DNAJC3: variants seen among roughly 807,000 people sequenced by gnomAD.
DNAJC3 encodes dnaJ homolog subfamily C member 3.
DNAJC3 carries 38 observed loss-of-function variants against 68.6 expected under a neutral mutation model. The observed-to-expected ratio is 0.55, with a 90% CI of 0.43 to 0.73. The LOEUF is 0.73. Among genes scored for constraint, DNAJC3 ranks in the 30% least tolerant of loss-of-function variants. DNAJC3 has a pLI of 0.00. For missense variants in DNAJC3, 526 were observed against 591.9 expected (o/e 0.89, Z 1.16); for synonymous variants, 203 against 204.0 (o/e 1.00, Z 0.04).
chr13:95,779,348 T>C (rs1714942860), intron 9 of DNAJC3, among the ~76,000 whole-genome samples: 1 of 152,010 alleles, frequency 6.6e-6, no homozygotes. Context: ...ATGGTCTCGA[T>C]CTCCTGACCT....
chr13:95,778,261 A>G (rs1883341950), intron 9 of DNAJC3, among the ~76,000 whole-genome samples: 1 of 152,236 alleles, frequency 6.6e-6, no homozygotes, highest in South Asian at 2.1e-4. Flanking sequence ...ATAATGTCCA[A>G]ACACCAAACA....
chr13:95,785,078 C>G (rs1167798974), intron 9 of DNAJC3, among the ~76,000 whole-genome samples: 1 of 152,174 alleles, frequency 6.6e-6, no homozygotes, highest in African/African-American at 2.4e-5. Flanking sequence ...GTGTTAAAGC[C>G]TGTGGGTTAC....
At chr13:95,786,891 A>G in intron 10 of DNAJC3, 116 bp from the exon 11 acceptor site, 1 of 1,260,780 alleles carries the variant, frequency 7.9e-7, no homozygotes, top group Non-Finnish European at 1.1e-6. Flanking sequence ...CATTGGAACT[A>G]TTTTATAAAA....
chr13:95,734,984 C>T (rs1217622819), intron 4 of DNAJC3, among the ~76,000 whole-genome samples: 1 of 137,130 alleles, frequency 7.3e-6, no homozygotes, highest in East Asian at 2.3e-4. Flanking sequence ...CCCCACCCCA[C>T]AACAGGCCCC....
intron 1 of DNAJC3, among the ~76,000 whole-genome samples, chr13:95,701,644 A>T (rs182419741): frequency 6.6e-6 from 1 of 152,248 alleles, no homozygotes; most frequent in Admixed American, 6.5e-5. Context: ...AGGTATACAT[A>T]TGAAACAACT....
At chr13:95,693,817 C>T (rs1880352039) in intron 1 of DNAJC3, 1 of 152,170 alleles carries the variant, frequency 6.6e-6, no homozygotes, top group Non-Finnish European at 1.5e-5. Flanking sequence ...TCTGGCTTCA[C>T]TTCTACTATA....
chr13:95,776,652 TTAAAA>T, intron 9 of DNAJC3, among the ~76,000 whole-genome samples: 1 of 152,362 alleles, frequency 6.6e-6, no homozygotes, highest in East Asian at 1.9e-4. Flanking sequence ...TTTTGTACTT[TTAAAA>T]ATAGTTTTAT....
chr13:95,702,299 C>A (rs186373756), intron 1 of DNAJC3, among the ~76,000 whole-genome samples: 148 of 147,256 alleles, frequency 1.0e-3, no homozygotes, highest in African/African-American at 3.8e-3. Flanking sequence ...TGATTTTCTT[C>A]TGTAATGTCC....
rs1883910672 is a variant in DNAJC3, at chr13:95,794,774, T to C, written c.*3744T>C. The C allele has an allele frequency of 6.6e-6, 1 of 152,324 alleles. No homozygotes were observed. The highest frequency in any genetic ancestry group is 6.5e-5 in the Admixed American group (1 of 15,310). 9.4% of individuals were successfully genotyped at this position (152,324 alleles called of 1,614,324 possible). On this transcript the variant is annotated 3_prime_UTR_variant, in exon 12 of 12. Coordinates refer to ENST00000602402, the MANE Select transcript of DNAJC3 (RefSeq NM_006260.5). ...AAGCCGAGCAAGGAGGAGGTAAACA[T>C]TGGAGATGTTTGTGAAAATATTACT...
At chr13:95,717,151 C>T (rs1881177123) in intron 2 of DNAJC3, among the ~76,000 whole-genome samples, 1 of 152,176 alleles carries the variant, frequency 6.6e-6, no homozygotes, top group Non-Finnish European at 1.5e-5. Flanking sequence ...TTAGGTATAT[C>T]TGGCACGAAC....
intron 4 of DNAJC3, among the ~76,000 whole-genome samples, chr13:95,735,426 C>T (rs1055333687): frequency 8.0e-5 from 10 of 124,490 alleles, no homozygotes; most frequent in Admixed American, 7.7e-4. Flanking sequence ...AACTAGTTTA[C>T]AGTCCCACCA....
intron 1 of DNAJC3, chr13:95,693,754 C>T (rs776519279): frequency 2.6e-5 from 4 of 152,082 alleles, no homozygotes; most frequent in Non-Finnish European, 5.9e-5. Context: ...CTCCAATATA[C>T]TGGAATTTTA....
At chr13:95,694,275 A>T (rs1880364925) in intron 1 of DNAJC3, 1 of 152,524 alleles carries the variant, frequency 6.6e-6, no homozygotes, top group Admixed American at 6.5e-5. Context: ...GGTATTCCTC[A>T]ATAGCTATTG....
Position 95,760,041 on chromosome 13 carries a change from T to G in DNAJC3, c.548T>G (p.Val183Gly). The stretch of plus-strand genomic sequence containing the variant: ...AGTCTAGTTCTTTTGTTCCTCAAGG[T>G]TTGTGTTTGGGATGCAGAACTACGG... The part of the protein sequence containing the change: ...AIAFLDKILE[V>G]CVWDAELREL... The change falls in exon 6 of 12, where the codon GTT becomes GGT. Residue 183 changes from valine to glycine, a missense_variant and splice_region_variant. By Grantham distance (109) the Val-to-Gly change is moderately radical. Coordinates refer to ENST00000602402, the MANE Select transcript of DNAJC3 (RefSeq NM_006260.5). The G allele has an allele frequency of 6.3e-7, 1 of 1,583,912 alleles. No individual in the cohort carries two copies.
chr13:95,689,163 A>G (rs1880158591), intron 1 of DNAJC3, among the ~76,000 whole-genome samples: 1 of 149,086 alleles, frequency 6.7e-6, no homozygotes, highest in Non-Finnish European at 1.5e-5. Flanking sequence ...GAATACTTTC[A>G]GTAAGATTGG....
intron 4 of DNAJC3, among the ~76,000 whole-genome samples, chr13:95,755,717 A>G (rs1882635192): frequency 7.2e-6 from 1 of 137,980 alleles, no homozygotes; most frequent in Non-Finnish European, 1.5e-5. Flanking sequence ...AGATTGCACC[A>G]CTGCACTCCA....
chr13:95,742,195 GGCTT>G (rs1339983178), intron 4 of DNAJC3, among the ~76,000 whole-genome samples: 1 of 152,154 alleles, frequency 6.6e-6, no homozygotes, highest in Non-Finnish European at 1.5e-5. Context: ...TGGGGTGGTG[GGCTT>G]GCTGCTAGTG....
chr13:95,678,512 T>C (rs1412562024), intron 1 of DNAJC3, among the ~76,000 whole-genome samples: 1 of 152,162 alleles, frequency 6.6e-6, no homozygotes, highest in African/African-American at 2.4e-5. Flanking sequence ...AATTTGACAG[T>C]GAGGCTGCCC....
chr13:95,742,529 A>C, intron 4 of DNAJC3: 1 of 425,094 alleles, frequency 2.4e-6, no homozygotes, highest in Non-Finnish European at 4.6e-6. Flanking sequence ...GGCAATGTGG[A>C]CTGCTGGGGG....
Sources: allele counts gnomAD v4.1 joint callset (sites outside exome capture counted in the v4.1 genomes callset), GRCh38; gene constraint gnomAD v4.1.1; transcripts MANE v1.5; gene names NCBI Gene and HGNC (gene_info 2026-07-23, HGNC 2026-07-21).